The following ABCA1 variants were observed in gnomAD, a reference collection of about 807,000 sequenced individuals.
The protein encoded by ABCA1 is ATP binding cassette subfamily A member 1.
ABCA1 carries 133 observed loss-of-function variants against 262.5 expected under a neutral mutation model. The observed-to-expected ratio is 0.51, with a 90% CI of 0.44 to 0.59. The LOEUF (loss-of-function observed/expected upper bound fraction) is 0.59, where lower values mean the gene tolerates loss of function less well. Among genes scored for constraint, ABCA1 ranks in the 20% least tolerant of loss-of-function variants. ABCA1 has a pLI of 0.00. For synonymous variants in ABCA1, 1,022 were observed against 1,043.5 expected (o/e 0.98, Z 0.40); for missense variants, 2,452 against 2,777.5 (o/e 0.88, Z 2.63).
chr9:104,821,808 A>G (rs980523274), intron 19 of ABCA1, among the ~76,000 whole-genome samples: 3 of 152,254 alleles, frequency 2.0e-5, no homozygotes, highest in African/African-American at 7.2e-5. Flanking sequence ...GCATGCATGG[A>G]AAATGGACAA....
intron 2 of ABCA1, among the ~76,000 whole-genome samples, chr9:104,903,022 C>T (rs148987381): frequency 3.9e-4 from 60 of 152,310 alleles, no homozygotes; most frequent in African/African-American, 9.1e-4. Flanking sequence ...ACAGCCCTCA[C>T]ATCCCTCTGT....
chr9:104,905,556 A>C (rs1203299865), intron 1 of ABCA1, among the ~76,000 whole-genome samples: 1 of 152,174 alleles, frequency 6.6e-6, no homozygotes, highest in African/African-American at 2.4e-5. Context: ...ACAGGCCTCC[A>C]AAGTTTCTTA....
chr9:104,784,270 T>A lies in ABCA1; in HGVS notation c.*45A>T, dbSNP rs1175904764. The A allele has an allele frequency of 6.2e-7, 1 of 1,612,884 alleles. No homozygotes were observed. The highest frequency in any genetic ancestry group is 1.1e-5 in the South Asian group (1 of 91,016). Reference sequence around the variant, plus strand: ...ACACTTCACATGGTGCAAAGGAAAGTCTAGTTCCTCTTTACTTTCAGCCAC... The same window carrying A: ...ACACTTCACATGGTGCAAAGGAAAGACTAGTTCCTCTTTACTTTCAGCCAC... On this transcript the variant is annotated 3_prime_UTR_variant, in exon 50 of 50. Transcript: ENST00000374736.
intron 5 of ABCA1, among the ~76,000 whole-genome samples, chr9:104,875,894 G>A (rs1052413768): frequency 9.8e-5 from 15 of 152,310 alleles, no homozygotes; most frequent in East Asian, 7.7e-4. Context: ...TAGGAACAGC[G>A]TGAAAGCCAT....
chr9:104,835,729 C>G (rs1287984872), intron 11 of ABCA1, among the ~76,000 whole-genome samples: 1 of 152,194 alleles, frequency 6.6e-6, no homozygotes, highest in Non-Finnish European at 1.5e-5. Flanking sequence ...AGCATACACA[C>G]TGGATTTTCC....
intron 8 of ABCA1, among the ~76,000 whole-genome samples, chr9:104,842,564 A>G (rs148193555): frequency 2.0e-5 from 3 of 152,216 alleles, no homozygotes; most frequent in Non-Finnish European, 4.4e-5. Context: ...TCTTTCTCCT[A>G]CACCTCAGCT....
chr9:104,806,477 C>A, intron 30 of ABCA1, 47 bp from the exon 31 acceptor site: 1 of 1,597,094 alleles, frequency 6.3e-7, no homozygotes, highest in Non-Finnish European at 8.6e-7. Context: ...GATGGCCTGG[C>A]CTTTCTGTTG....
At position 104,806,283 on chromosome 9, in the gene ABCA1, C is replaced by A. The variant is rs1446938656; in HGVS notation, c.4422G>T (p.Leu1474=). The part of the protein sequence containing the change: ...QCSSDKIKKM[L]PVCPPGAGGL... ...CCCCTGCCCCTGGGGGACACACAGG[C>A]AGCATCTTCTTGATTTTGTCGCTGC... Residue 1474 remains leucine, a synonymous_variant, in exon 31 of 50, where the codon CTG becomes CTT. Transcript: ENST00000374736. 2 of 1,613,814 alleles carry A rather than the reference C, an allele frequency of 1.2e-6. No individual in the cohort carries two copies. The highest frequency in any genetic ancestry group is 8.5e-7 in the Non-Finnish European group (1 of 1,180,052).
At chr9:104,862,701 G>GGCAGGGCAGGGCAGGGCAGGGCAGGC (rs1368415290) in intron 5 of ABCA1, among the ~76,000 whole-genome samples, 1 of 1,816 alleles carries the variant, frequency 5.5e-4, no homozygotes, top group African/African-American at 1.6e-3. Flanking sequence ...GGCCGGGCCG[G>GGCAGGGCAGGGCAGGGCAGGGCAGGC]CCCCCACCCC....
Position 104,800,183 on chromosome 9 carries a change from G to A in ABCA1, c.4774-195C>T, listed in dbSNP as rs570507719. Among the ~76,000 whole-genome samples, 103 of 152,310 alleles carry A rather than the reference G, an allele frequency of 6.8e-4. 1 individual carries two copies. Among genetic ancestry groups the A allele is most frequent in the East Asian group, 9.7e-4 (5 of 5,172 alleles). ...TAGTGATCACTGACTATGTGGGCAG[G>A]CGCTGTGGTGAGGACCTTATACCTT... On this transcript the variant is annotated intron_variant, in intron 35 of 49. Transcript: ENST00000374736.
chr9:104,796,287 C>A, intron 38 of ABCA1, 22 bp downstream of exon 38: 1 of 1,613,918 alleles, frequency 6.2e-7, no homozygotes, highest in Non-Finnish European at 8.5e-7. Flanking sequence ...CTGTGCAGCT[C>A]CCTCACTCAG....
At chr9:104,803,443 G>A in intron 32 of ABCA1, 127 bp from the exon 33 acceptor site, 3 of 969,864 alleles carry the variant, frequency 3.1e-6, no homozygotes, top group Non-Finnish European at 4.9e-6. Flanking sequence ...GAATCAGCTG[G>A]CCTTGTAGGG....
chr9:104,896,709 A>ATTTTTT (rs1564270342), intron 2 of ABCA1, among the ~76,000 whole-genome samples: 19 of 78,292 alleles, frequency 2.4e-4, no homozygotes, highest in African/African-American at 9.1e-4. Flanking sequence ...CTCCCTACAC[A>ATTTTTT]TCTTTTTTTT....
chr9:104,891,449 A>C (rs1839737437), intron 2 of ABCA1, among the ~76,000 whole-genome samples: 1 of 151,848 alleles, frequency 6.6e-6, no homozygotes, highest in Admixed American at 6.6e-5. Flanking sequence ...TACAAAAATT[A>C]GATGGGCATG....
chr9:104,898,910 G>A (rs1840439888), intron 2 of ABCA1, among the ~76,000 whole-genome samples: 1 of 152,052 alleles, frequency 6.6e-6, no homozygotes, highest in South Asian at 2.1e-4. Context: ...TAGTTTGCCG[G>A]ATTTTTTCCT....
chr9:104,926,286 G>A (rs937972704), intron 1 of ABCA1, among the ~76,000 whole-genome samples: 1 of 152,130 alleles, frequency 6.6e-6, no homozygotes, highest in Admixed American at 6.5e-5. Context: ...ATTACTGCCA[G>A]TGCCAGACAA....
chr9:104,791,578 T>C (rs1829430084), intron 43 of ABCA1, among the ~76,000 whole-genome samples: 1 of 152,106 alleles, frequency 6.6e-6, no homozygotes, highest in South Asian at 2.1e-4. Flanking sequence ...AGGAATGCAC[T>C]ACTATGCCCA....
chr9:104,848,651 A>G (rs369288813), intron 7 of ABCA1, among the ~76,000 whole-genome samples: 34 of 151,770 alleles, frequency 2.2e-4, no homozygotes, highest in African/African-American at 7.0e-4. Flanking sequence ...TCAACCAGCT[A>G]ACACCTACTG....
intron 16 of ABCA1, 102 bp from the exon 17 acceptor site, chr9:104,825,989 T>G: frequency 8.4e-7 from 1 of 1,195,022 alleles, no homozygotes; most frequent in Non-Finnish European, 1.2e-6. Context: ...ATTTGCAAAA[T>G]GGATCAATCA....
Sources: allele counts gnomAD v4.1 joint callset (sites outside exome capture counted in the v4.1 genomes callset), GRCh38; gene constraint gnomAD v4.1.1; transcripts MANE v1.5; gene names NCBI Gene and HGNC (gene_info 2026-07-23, HGNC 2026-07-21).